The following PRIM2 variants were observed in gnomAD, a reference collection of about 807,000 sequenced individuals.
The protein encoded by PRIM2 is DNA primase subunit 2.
Under a neutral mutation model 67.3 loss-of-function variants are expected in PRIM2, and 39 were observed. The observed-to-expected ratio is 0.58, with a 90% CI of 0.45 to 0.76. The LOEUF (loss-of-function observed/expected upper bound fraction) is 0.76, where lower values mean the gene tolerates loss of function less well. Ranked by LOEUF, PRIM2 falls within the 30% of genes least tolerant of loss-of-function variation. PRIM2 has a pLI of 0.00. For synonymous variants in PRIM2, 143 were observed against 198.7 expected, an observed-to-expected ratio of 0.72 and a Z score of 2.36; for missense variants, 398 against 598.7, an observed-to-expected ratio of 0.66 and a Z score of 3.50.
upstream of PRIM2, among the ~76,000 whole-genome samples, chr6:57,311,383 C>T (rs1317688174): frequency 6.6e-6 from 1 of 151,100 alleles, no homozygotes; most frequent in Non-Finnish European, 1.5e-5. Flanking sequence ...GCACTCCTCA[C>T]TTCCCAGAGG....
chr6:57,550,378 T>C (rs1775376341), intron 10 of PRIM2, among the ~76,000 whole-genome samples: 1 of 152,142 alleles, frequency 6.6e-6, no homozygotes, highest in Admixed American at 6.5e-5. Flanking sequence ...AACATTGACT[T>C]GAACAGGTTG....
chr6:57,540,310 G>C (rs2127471176), intron 10 of PRIM2, among the ~76,000 whole-genome samples: 1 of 152,146 alleles, frequency 6.6e-6, no homozygotes, highest in East Asian at 1.9e-4. Context: ...GAGAGAGAGA[G>C]ATGGGGGTTA....
At chr6:57,342,651 A>G (rs1490651783) in intron 5 of PRIM2, among the ~76,000 whole-genome samples, 3 of 152,202 alleles carry the variant, frequency 2.0e-5, no homozygotes, top group African/African-American at 7.2e-5. Flanking sequence ...ACAGAATGGC[A>G]GGGACAGTGA....
chr6:57,621,953 T>C (rs1459764747), intron 12 of PRIM2, among the ~76,000 whole-genome samples: 59 of 152,212 alleles, frequency 3.9e-4, no homozygotes, highest in African/African-American at 1.4e-3. Flanking sequence ...GTTTTTTTTT[T>C]CTTTCTTTCT....
At chr6:57,615,587 T>C (rs1279398655) in intron 12 of PRIM2, among the ~76,000 whole-genome samples, 3 of 152,202 alleles carry the variant, frequency 2.0e-5, no homozygotes, top group Non-Finnish European at 4.4e-5. Flanking sequence ...AATGGTGTGC[T>C]ATGTCCTATT....
At chr6:57,587,298 A>G (rs1386066403) in intron 10 of PRIM2, among the ~76,000 whole-genome samples, 5 of 152,198 alleles carry the variant, frequency 3.3e-5, no homozygotes, top group African/African-American at 9.7e-5. Flanking sequence ...GGGGCATAAC[A>G]GTCCAGGTGT....
intron 5 of PRIM2, among the ~76,000 whole-genome samples, chr6:57,327,845 A>G (rs1767918398): frequency 6.6e-6 from 1 of 152,268 alleles, no homozygotes; most frequent in Admixed American, 6.5e-5. Context: ...GGTTTCATGG[A>G]AGACAATTTT....
the PRIM2 span, among the ~76,000 whole-genome samples, chr6:57,259,189 G>A: frequency 6.6e-6 from 1 of 152,158 alleles, no homozygotes; most frequent in Non-Finnish European, 1.5e-5. Flanking sequence ...TGACTCTTGA[G>A]TCCAAGCCTA....
At chr6:57,389,968 C>G (rs1770274941) in intron 7 of PRIM2, among the ~76,000 whole-genome samples, 2 of 152,132 alleles carry the variant, frequency 1.3e-5, no homozygotes, top group Admixed American at 1.3e-4. Context: ...TCACTGTGAA[C>G]TTGTCAGTGC....
intron 5 of PRIM2, among the ~76,000 whole-genome samples, chr6:57,376,090 A>G (rs4475325): frequency 1.3e-5 from 2 of 152,202 alleles, no homozygotes; most frequent in Non-Finnish European, 2.9e-5. Context: ...TTAGCTGGGC[A>G]TGGTGGTTTG....
intron 7 of PRIM2, among the ~76,000 whole-genome samples, chr6:57,471,806 G>T (rs1773342296): frequency 6.6e-6 from 1 of 152,132 alleles, no homozygotes; most frequent in Non-Finnish European, 1.5e-5. Flanking sequence ...ATATGCTTTG[G>T]AAAGAGAATT....
At chr6:57,418,126 G>A (rs1294970030) in intron 7 of PRIM2, among the ~76,000 whole-genome samples, 4 of 152,100 alleles carry the variant, frequency 2.6e-5, no homozygotes, top group Non-Finnish European at 4.4e-5. Flanking sequence ...GGGAGAATAG[G>A]AGGTACTTAT....
chr6:57,333,835 T>C (rs1768135848), intron 5 of PRIM2, among the ~76,000 whole-genome samples: 1 of 152,176 alleles, frequency 6.6e-6, no homozygotes, highest in Non-Finnish European at 1.5e-5. Flanking sequence ...AAATATAATG[T>C]TTTGAAGGGT....
At chr6:57,308,862 T>A in the PRIM2 span, among the ~76,000 whole-genome samples, 2 of 152,064 alleles carry the variant, frequency 1.3e-5, no homozygotes, top group South Asian at 4.1e-4. Flanking sequence ...GTTTATTTTA[T>A]TTTATTTTTC....
At chr6:57,640,989 T>C (rs1459198695) in intron 13 of PRIM2, among the ~76,000 whole-genome samples, 2 of 149,800 alleles carry the variant, frequency 1.3e-5, no homozygotes, top group Non-Finnish European at 3.0e-5. Flanking sequence ...CTTCAAACTA[T>C]ACTACAAGGC....
chr6:57,377,979 T>TAAG (rs1354148742), intron 5 of PRIM2, among the ~76,000 whole-genome samples: 1 of 152,120 alleles, frequency 6.6e-6, no homozygotes, highest in African/African-American at 2.4e-5. Flanking sequence ...TTCTACAAAC[T>TAAG]GTGTGTTTGG....
chr6:57,496,138 A>G (rs1773999325), intron 7 of PRIM2, among the ~76,000 whole-genome samples: 1 of 152,186 alleles, frequency 6.6e-6, no homozygotes, highest in South Asian at 2.1e-4. Flanking sequence ...GTGTATATTT[A>G]CATATACATG....
At chr6:57,270,943 T>G in the PRIM2 span, among the ~76,000 whole-genome samples, 8 of 151,790 alleles carry the variant, frequency 5.3e-5, no homozygotes, top group African/African-American at 1.9e-4. Flanking sequence ...CTGATTTGTG[T>G]ATGTTGAACC....
chr6:57,483,480 A>C (rs1195659422), intron 7 of PRIM2, among the ~76,000 whole-genome samples: 3 of 152,194 alleles, frequency 2.0e-5, no homozygotes, highest in Admixed American at 6.5e-5. Flanking sequence ...AAAACATACT[A>C]GTCATATAAG....
Sources: allele counts gnomAD v4.1 joint callset (sites outside exome capture counted in the v4.1 genomes callset), GRCh38; gene constraint gnomAD v4.1.1; transcripts MANE v1.5; gene names NCBI Gene and HGNC (gene_info 2026-07-23, HGNC 2026-07-21).